Variants in NNMT observed in about 807,000 individuals in gnomAD.
The protein encoded by NNMT is nicotinamide N-methyltransferase.
A neutral mutation model predicts 11.7 loss-of-function variants in NNMT; 10 were observed. That is an observed-to-expected ratio of 0.85 (90% CI 0.53 to 1.45). The LOEUF is 1.45. NNMT is among the 40% of genes most tolerant of loss of function. NNMT has a pLI of 0.00. For missense variants in NNMT, 381 were observed against 319.4 expected (o/e 1.19, Z -1.47); for synonymous variants, 143 against 133.8 (o/e 1.07, Z -0.48).
intron 2 of NNMT, among the ~76,000 whole-genome samples, chr11:114,264,010 C>T (rs138511218): frequency 0.011 from 1,725 of 152,244 alleles, 13 homozygotes; most frequent in South Asian, 0.032. Context: ...CCCAGAGTGA[C>T]GTGGGCTTCC....
upstream of NNMT, chr11:114,296,042 C>T (rs2135269461): frequency 6.5e-6 from 1 of 153,594 alleles, no homozygotes; most frequent in African/African-American, 2.4e-5. Flanking sequence ...TTCCTATCCT[C>T]ATCTTTCCCT....
intron 2 of NNMT, among the ~76,000 whole-genome samples, chr11:114,264,716 A>G (rs911306761): frequency 3.3e-5 from 5 of 152,218 alleles, no homozygotes; most frequent in Non-Finnish European, 7.3e-5. Context: ...GACCAGCTAT[A>G]TATCAGGGTT....
At chr11:114,267,639 T>C (rs1945131998) in intron 2 of NNMT, among the ~76,000 whole-genome samples, 1 of 152,240 alleles carries the variant, frequency 6.6e-6, no homozygotes, top group African/African-American at 2.4e-5. Context: ...ATCATCCAGA[T>C]TCTGCCACAC....
chr11:114,258,922 C>T (rs12269762), intron 1 of NNMT, among the ~76,000 whole-genome samples: 28,887 of 152,144 alleles, frequency 0.19, 3,249 homozygotes, highest in African/African-American at 0.32. Context: ...AACACACACA[C>T]CCCTTCTGTC....
rs1429912589 is a variant in NNMT at position 114,312,222 on chromosome 11, C to G, written c.540C>G (p.Leu180=). The part of the protein sequence containing the change: ...CPDLPTYCRA[L]RNLGSLLKPG... ...ACCTCCCCACCTACTGCAGGGCGCT[C>G]AGGAACCTCGGCAGCCTACTGAAGC... Residue 180 remains leucine, a synonymous_variant, in exon 3 of 3, where the codon CTC becomes CTG. Transcript: ENST00000299964. 1.2e-6 allele frequency: 2 copies of G among 1,614,210 alleles called. No individual in the cohort carries two copies. Among genetic ancestry groups the G allele is most frequent in the Non-Finnish European group, 1.7e-6 (2 of 1,180,036 alleles).
chr11:114,298,144 T>C lies in NNMT; in HGVS notation c.348T>C (p.Asp116=). 2 of 1,614,100 alleles carry C rather than the reference T, an allele frequency of 1.2e-6. No individual in the cohort carries two copies. Among genetic ancestry groups the C allele is most frequent in the Non-Finnish European group, 1.7e-6 (2 of 1,180,004 alleles). ...DWSPVVTYVC[D]LEGNRVKGPE... The stretch of plus-strand genomic sequence containing the variant: ...CCCCAGTGGTGACCTATGTGTGTGA[T>C]CTTGAAGGGAACAGGTAGAGAAACT... The change falls in exon 2 of 3, where the codon GAT becomes GAC. Residue 116 remains aspartate (D), a synonymous_variant. Transcript: ENST00000299964.
intron 1 of NNMT, among the ~76,000 whole-genome samples, chr11:114,258,220 G>A (rs190362431): frequency 6.6e-6 from 1 of 152,358 alleles, no homozygotes; most frequent in Non-Finnish European, 1.5e-5. Flanking sequence ...CCGCCGTGGG[G>A]CTGCAGGGTG....
At chr11:114,284,649 A>G (rs1373606274) in intron 2 of NNMT, among the ~76,000 whole-genome samples, 1 of 150,966 alleles carries the variant, frequency 6.6e-6, no homozygotes, top group Non-Finnish European at 1.5e-5. Flanking sequence ...TTTTTAGTAG[A>G]GACGGGGTTT....
chr11:114,276,180 G>A (rs750683658), intron 2 of NNMT, among the ~76,000 whole-genome samples: 9 of 134,512 alleles, frequency 6.7e-5, no homozygotes, highest in Non-Finnish European at 1.2e-4. Flanking sequence ...CCCAGGGACC[G>A]TATGCTGCAA....
intron 1 of NNMT, among the ~76,000 whole-genome samples, chr11:114,259,940 C>A (rs1029654826): frequency 1.3e-5 from 2 of 152,158 alleles, no homozygotes; most frequent in Non-Finnish European, 2.9e-5. Context: ...TGGCACAAGG[C>A]CCCCTTACCC....
In NNMT at chr11:114,267,883, A is replaced by G. The variant is rs932190518; in HGVS notation, c.-130+4949A>G. Among the ~76,000 whole-genome samples the G allele has an allele frequency of 5.3e-5, 8 of 152,354 alleles. No individual in the cohort carries two copies. The East Asian group carries it at 7.7e-4, about 15-fold the overall frequency. On this transcript the variant is annotated intron_variant, in intron 2 of 4. Coordinates refer to the NNMT transcript ENST00000535401. ...CCGTATCCTCACTCAGTCTGTATTC[A>G]GATTTTCCTGATTGCTTCAAAAATA...
intron 2 of NNMT, among the ~76,000 whole-genome samples, chr11:114,278,398 T>A (rs7933391): frequency 0.059 from 8,953 of 152,210 alleles, 734 homozygotes; most frequent in African/African-American, 0.18. Flanking sequence ...AGGATTACAT[T>A]TCAACATGAG....
chr11:114,286,617 AT>A (rs777398987), intron 2 of NNMT, among the ~76,000 whole-genome samples: 6 of 152,208 alleles, frequency 3.9e-5, no homozygotes, highest in Non-Finnish European at 5.9e-5. Context: ...CATTTGGAGA[AT>A]CATCCATGCT....
upstream of NNMT, among the ~76,000 whole-genome samples, chr11:114,295,459 C>G (rs1425829302): frequency 4.3e-5 from 5 of 116,992 alleles, no homozygotes; most frequent in Non-Finnish European, 8.1e-5. Flanking sequence ...GAGTCTTGCT[C>G]TGTCGCCCAG....
intron 2 of NNMT, among the ~76,000 whole-genome samples, chr11:114,277,995 T>G (rs774935254): frequency 6.6e-6 from 1 of 152,244 alleles, no homozygotes; most frequent in Admixed American, 6.5e-5. Context: ...ACCTTACCCT[T>G]TACCCATTAC....
chr11:114,298,247 A>G (rs1945404250), intron 2 of NNMT, 89 bp downstream of exon 2: 3 of 1,101,560 alleles, frequency 2.7e-6, no homozygotes, highest in Non-Finnish European at 4.0e-6. Flanking sequence ...CCAAAGAGAA[A>G]TCCAAATGGA....
Position 114,312,618 on chromosome 11 carries a change from A to T in NNMT, c.*141A>T, listed in dbSNP as rs560163317. 20 of 757,230 alleles carry T rather than the reference A, an allele frequency of 2.6e-5. No homozygotes were observed. The East Asian group carries it at 5.1e-4, about 19-fold the overall frequency. 46.9% of individuals were successfully genotyped at this position (757,230 alleles called of 1,614,324 possible). Reference sequence around the variant, plus strand: ...CATCTAGGACGGGACTAGAGAGGTCAGTCTACAAGCAATCCATTGACCACT... The same window carrying T: ...CATCTAGGACGGGACTAGAGAGGTCTGTCTACAAGCAATCCATTGACCACT... On this transcript the variant is annotated 3_prime_UTR_variant, in exon 3 of 3. Coordinates refer to ENST00000299964, the MANE Select transcript of NNMT (RefSeq NM_006169.3).
intron 2 of NNMT, among the ~76,000 whole-genome samples, chr11:114,278,718 G>A (rs1468773776): frequency 6.6e-6 from 1 of 152,084 alleles, no homozygotes; most frequent in Non-Finnish European, 1.5e-5. Context: ...TCTGTCAGTG[G>A]TGTCACCACA....
chr11:114,272,731 G>T (rs1317715942), intron 2 of NNMT, among the ~76,000 whole-genome samples: 2 of 152,196 alleles, frequency 1.3e-5, no homozygotes, highest in African/African-American at 4.8e-5. Flanking sequence ...CACTGTGGAT[G>T]GCTTCCAGAT....
Sources: allele counts gnomAD v4.1 joint callset (sites outside exome capture counted in the v4.1 genomes callset), GRCh38; gene constraint gnomAD v4.1.1; transcripts MANE v1.5; gene names NCBI Gene and HGNC (gene_info 2026-07-23, HGNC 2026-07-21).